Variants in STK31 observed in about 807,000 individuals in gnomAD.
STK31 encodes serine/threonine kinase 31.
STK31 carries 89 observed loss-of-function variants against 129.7 expected under a neutral mutation model. That is an observed-to-expected ratio of 0.69 (90% CI 0.58 to 0.82). The LOEUF (loss-of-function observed/expected upper bound fraction) is 0.82, where lower values mean the gene tolerates loss of function less well. STK31 is among the 40% of genes least tolerant of loss of function. The pLI is 0.00. For missense variants in STK31, 1,187 were observed against 1,176.4 expected, an observed-to-expected ratio of 1.01 and a Z score of -0.13; for synonymous variants, 448 against 395.3, an observed-to-expected ratio of 1.13 and a Z score of -1.58.
intron 4 of STK31, chr7:23,722,835 C>G (rs1423556223): frequency 6.6e-6 from 1 of 152,532 alleles, no homozygotes; most frequent in East Asian, 1.9e-4. Flanking sequence ...TCATCTGAGA[C>G]TGCTGTGCTA....
intron 23 of STK31, among the ~76,000 whole-genome samples, chr7:23,824,809 C>G (rs10239753): frequency 0.76 from 114,222 of 150,316 alleles, 44,055 homozygotes; most frequent in African/African-American, 0.88. Context: ...TAGCATGAAG[C>G]GTTGTTGAAT....
At chr7:23,822,042 A>G (rs1269471998) in intron 23 of STK31, among the ~76,000 whole-genome samples, 1 of 152,142 alleles carries the variant, frequency 6.6e-6, no homozygotes, top group African/African-American at 2.4e-5. Flanking sequence ...TGGTTACTAT[A>G]GCCTTGTAAG....
intron 23 of STK31, among the ~76,000 whole-genome samples, chr7:23,820,222 CAGA>C (rs1380595854): frequency 1.3e-5 from 2 of 152,234 alleles, no homozygotes; most frequent in African/African-American, 4.8e-5. Context: ...GGGATTGGTA[CAGA>C]TAAAATCTAC....
At chr7:23,713,462 A>T (rs1786104281) in intron 3 of STK31, among the ~76,000 whole-genome samples, 1 of 152,186 alleles carries the variant, frequency 6.6e-6, no homozygotes, top group Non-Finnish European at 1.5e-5. Context: ...AGGCTACACT[A>T]AATTTATAAA....
rs3801896 is a variant in STK31, at chr7:23,786,457, A to G, written c.2275-51A>G. On this transcript the variant is annotated intron_variant, in intron 18 of 23. Coordinates refer to ENST00000355870, the MANE Select transcript of STK31 (RefSeq NM_031414.5). ...GTTTAAATTGGAATGATGTATAATT[A>G]TAATGAGATTTTCATCTTGGAATTA... 2.0e-3 allele frequency: 3,123 copies of G among 1,546,590 alleles called. 83 individuals carry two copies. In the East Asian group the frequency reaches 0.059, roughly 29 times the overall value.
chr7:23,792,506 A>G (rs748617449), intron 22 of STK31, among the ~76,000 whole-genome samples: 7 of 152,320 alleles, frequency 4.6e-5, no homozygotes, highest in East Asian at 3.9e-4. Flanking sequence ...CTCATGGACT[A>G]GAAGACATTG....
At chr7:23,734,089 C>T (rs1291631414) in intron 6 of STK31, among the ~76,000 whole-genome samples, 2 of 151,980 alleles carry the variant, frequency 1.3e-5, no homozygotes, top group African/African-American at 2.4e-5. Flanking sequence ...AAAATGTGAC[C>T]GGTTTGTATT....
At chr7:23,824,884 A>T (rs576674697) in intron 23 of STK31, among the ~76,000 whole-genome samples, 219 of 151,916 alleles carry the variant, frequency 1.4e-3, no homozygotes, top group African/African-American at 4.9e-3. Flanking sequence ...GGTTCTGTTT[A>T]TATGCTGGAT....
intron 18 of STK31, among the ~76,000 whole-genome samples, chr7:23,786,005 G>A (rs1180033065): frequency 1.3e-5 from 2 of 151,550 alleles, no homozygotes; most frequent in Non-Finnish European, 2.9e-5. Flanking sequence ...ATAAAAATAA[G>A]TATATAAAAG....
intron 16 of STK31, among the ~76,000 whole-genome samples, chr7:23,781,953 A>T (rs188320343): frequency 2.2e-3 from 340 of 152,332 alleles, no homozygotes; most frequent in Non-Finnish European, 3.5e-3. Context: ...TGTTGCAGTG[A>T]AAACATTAAT....
intron 3 of STK31, among the ~76,000 whole-genome samples, chr7:23,716,171 T>C (rs908818804): frequency 6.6e-6 from 1 of 152,214 alleles, no homozygotes; most frequent in Non-Finnish European, 1.5e-5. Context: ...TCCTCAGTTT[T>C]TCCTTGTATT....
intron 6 of STK31, among the ~76,000 whole-genome samples, chr7:23,730,732 A>G (rs968358303): frequency 5.3e-5 from 8 of 151,458 alleles, no homozygotes; most frequent in African/African-American, 1.9e-4. Flanking sequence ...ATTGAAACAC[A>G]CATGAATCAA....
At chr7:23,773,013 AT>A (rs1790297121) in intron 15 of STK31, among the ~76,000 whole-genome samples, 1 of 152,018 alleles carries the variant, frequency 6.6e-6, no homozygotes, top group African/African-American at 2.4e-5. Flanking sequence ...GGGGAAGTTG[AT>A]TTTTTTAGTC....
At chr7:23,799,952 G>T (rs1370879033) in intron 22 of STK31, among the ~76,000 whole-genome samples, 1 of 152,164 alleles carries the variant, frequency 6.6e-6, no homozygotes, top group East Asian at 1.9e-4. Context: ...CTCAAAAGAA[G>T]ACATTTATGT....
intron 7 of STK31, among the ~76,000 whole-genome samples, chr7:23,736,378 A>G (rs903190644): frequency 5.9e-5 from 9 of 152,072 alleles, no homozygotes; most frequent in African/African-American, 2.2e-4. Context: ...GATAATTTTA[A>G]ATTATCAACT....
In STK31 at chr7:23,770,985, A is replaced by G. The variant is rs771839866; in HGVS notation, c.1714-20A>G. ...TGGATATTCCTTTGTGTATAATTCT[A>G]TGTGTGTGATTTCATTTAGGATCAA... On this transcript the variant is annotated intron_variant, in intron 13 of 23. Transcript: ENST00000355870. 7 of 1,603,080 alleles carry G rather than the reference A, an allele frequency of 4.4e-6. No individual in the cohort carries two copies. Among genetic ancestry groups the G allele is most frequent in the African/African-American group, 4.0e-5 (3 of 74,316 alleles).
chr7:23,802,074 C>T (rs751154422), intron 22 of STK31, among the ~76,000 whole-genome samples: 6 of 151,952 alleles, frequency 3.9e-5, no homozygotes, highest in Non-Finnish European at 7.4e-5. Flanking sequence ...CGTGTAAGGT[C>T]AGCCGAGAGA....
chr7:23,782,486 A>AAG (rs1554293156), intron 16 of STK31, among the ~76,000 whole-genome samples: 73 of 150,048 alleles, frequency 4.9e-4, no homozygotes, highest in Middle Eastern at 3.5e-3. Context: ...AAAAAAAAAA[A>AAG]AAAAAAGAAA....
In STK31 at chr7:23,745,773, T is replaced by G. The variant is rs187058514; in HGVS notation, c.1018-6944T>G. Among the ~76,000 whole-genome samples, 7 of 152,082 alleles carry G rather than the reference T, an allele frequency of 4.6e-5. No individual in the cohort carries two copies. The East Asian group carries it at 9.7e-4, about 21-fold the overall frequency. ...TGGCCTCAGGTGTGGCAGCAGCTAG[T>G]GACAATGGTGGTTGTGGGATGGGGT... On this transcript the variant is annotated intron_variant, in intron 8 of 23. Coordinates refer to ENST00000355870, the MANE Select transcript of STK31 (RefSeq NM_031414.5).
Sources: allele counts gnomAD v4.1 joint callset (sites outside exome capture counted in the v4.1 genomes callset), GRCh38; gene constraint gnomAD v4.1.1; transcripts MANE v1.5; gene names NCBI Gene and HGNC (gene_info 2026-07-23, HGNC 2026-07-21).